ERCC3: variants seen among roughly 807,000 people sequenced by gnomAD.
ERCC3 encodes the protein ERCC excision repair 3, TFIIH core complex helicase subunit, also known as general transcription and DNA repair factor IIH helicase/translocase subunit XPB.
ERCC3 carries 66 observed loss-of-function variants against 94.2 expected under a neutral mutation model. That is an observed-to-expected ratio of 0.70 (90% CI 0.57 to 0.86). The LOEUF is 0.86. Among genes scored for constraint, ERCC3 ranks in the 40% least tolerant of loss-of-function variants. The pLI is 0.00. For missense variants in ERCC3, 829 were observed against 987.1 expected (o/e 0.84, Z 2.15); for synonymous variants, 349 against 369.1 (o/e 0.95, Z 0.63).
At position 127,284,296 on chromosome 2, in the gene ERCC3, G is replaced by C. The variant is rs754794597; in HGVS notation, c.1342+2407C>G. 6.6e-6 allele frequency: 1 copy of C among 152,308 alleles called. No homozygotes were observed. The highest frequency in any genetic ancestry group is 2.4e-5 in the African/African-American group (1 of 41,464). 9.4% of individuals were successfully genotyped at this position (152,308 alleles called of 1,614,324 possible). A position where few individuals can be genotyped will look rare whatever the true frequency, so the allele number is the denominator to read the frequency against. On this transcript the variant is annotated intron_variant, in intron 8 of 14. Coordinates refer to ENST00000285398, the MANE Select transcript of ERCC3 (RefSeq NM_000122.2). The surrounding 1 kb of genome is among the most constrained non-coding windows in gnomAD (Gnocchi z 4.1). ...TCCCTCAGATGGCTTCACACTAAGA[G>C]TACAAGCCAAAGTTCTTGTCGTGGC... is the stretch of plus-strand genomic sequence containing the variant.
At position 127,293,392 on chromosome 2, in the gene ERCC3, T is replaced by C. The variant is rs1489535069; in HGVS notation, c.234+121A>G. On this transcript the variant is annotated intron_variant, in intron 2 of 14. Transcript: ENST00000285398. ...CTGTTCCAACGTGTGTGGATGAAAA[T>C]TCTCTCCCGGCCAGTTCTAGGGGCA... 6.4e-6 allele frequency: 6 copies of C among 942,940 alleles called. No homozygotes were observed. In the East Asian group the frequency reaches 1.1e-4, roughly 17 times the overall value. 58.4% of individuals were successfully genotyped at this position (942,940 alleles called of 1,614,324 possible). A position where few individuals can be genotyped will look rare whatever the true frequency, so the allele number is the denominator to read the frequency against.
intron 10 of ERCC3, among the ~76,000 whole-genome samples, chr2:127,276,895 G>A (rs1157959631): frequency 6.6e-6 from 1 of 152,328 alleles, no homozygotes; most frequent in Non-Finnish European, 1.5e-5. Context: ...AAGGGCATCA[G>A]ACTGCCAAAC....
chr2:127,275,075 C>A (rs1684691162), intron 10 of ERCC3, among the ~76,000 whole-genome samples: 1 of 152,204 alleles, frequency 6.6e-6, no homozygotes, highest in African/African-American at 2.4e-5. Context: ...TAACCCTAAG[C>A]CTCTCTTGCA....
intron 3 of ERCC3, 108 bp from the exon 4 acceptor site, chr2:127,290,381 TTA>T: frequency 1.0e-6 from 1 of 973,170 alleles, no homozygotes; most frequent in Non-Finnish European, 1.7e-6. Flanking sequence ...TCATTTTACT[TTA>T]GGGAAACCCA....
chr2:127,269,881 G>A (rs1049934028), intron 12 of ERCC3, among the ~76,000 whole-genome samples: 8 of 151,968 alleles, frequency 5.3e-5, no homozygotes, highest in South Asian at 2.1e-4. Flanking sequence ...TTAGCTGGAC[G>A]TGGTGGTGCA....
At position 127,280,315 on chromosome 2, in the gene ERCC3, GGATCCT is replaced by G. The variant is rs1470377732; in HGVS notation, c.1527+126_1527+131del. The G allele has an allele frequency of 2.0e-4, 166 of 817,464 alleles. No homozygotes were observed. The highest frequency in any genetic ancestry group is 2.5e-4 in the Non-Finnish European group (122 of 480,990). The allele number at this position is 817,464 out of a possible 1,614,324, so 50.6% of individuals were successfully genotyped here. A position where few individuals can be genotyped will look rare whatever the true frequency, so the allele number is the denominator to read the frequency against. ...TACCACCCAACCACAGGGTGACTGA[GGATCCT>G]GTATGAAGTGGTAGCAGGTGAGCCT... On this transcript the variant is annotated intron_variant, in intron 9 of 14. Transcript: ENST00000285398. The surrounding 1 kb of genome is among the most constrained non-coding windows in gnomAD (Gnocchi z 6.3).
intron 4 of ERCC3, 81 bp downstream of exon 4, chr2:127,290,143 G>A (rs868803561): frequency 3.6e-6 from 4 of 1,110,854 alleles, no homozygotes; most frequent in Non-Finnish European, 4.2e-6. Flanking sequence ...TAAACATCAG[G>A]TCCTTCCCAT....
chr2:127,290,091 T>C lies in ERCC3; in HGVS notation c.521+133A>G, dbSNP rs1685215920. On this transcript the variant is annotated intron_variant, in intron 4 of 14. Coordinates refer to ENST00000285398, the MANE Select transcript of ERCC3 (RefSeq NM_000122.2). Reference sequence around the variant, plus strand: ...GAGTTTCCAGTCTGGGCCACATCTCTTGTTTCTCTTCTCTTATCTGTGCTT... The same window carrying C: ...GAGTTTCCAGTCTGGGCCACATCTCCTGTTTCTCTTCTCTTATCTGTGCTT... 7 of 854,528 alleles carry C rather than the reference T, an allele frequency of 8.2e-6. No individual in the cohort carries two copies. In the Admixed American group the frequency reaches 1.3e-4, roughly 16 times the overall value. The allele number at this position is 854,528 out of a possible 1,614,324, so 52.9% of individuals were successfully genotyped here. A position where few individuals can be genotyped will look rare whatever the true frequency, so the allele number is the denominator to read the frequency against.
At chr2:127,282,739 G>A (rs1408630370) in intron 8 of ERCC3, among the ~76,000 whole-genome samples, 4 of 152,136 alleles carry the variant, frequency 2.6e-5, no homozygotes, top group African/African-American at 9.7e-5. Context: ...ATCCCTTAGA[G>A]TTTGTTGGTT....
In ERCC3 at chr2:127,277,951, A is replaced by G. The variant is rs1213437865; in HGVS notation, c.1730+1222T>C. On this transcript the variant is annotated intron_variant, in intron 10 of 14. Coordinates refer to ENST00000285398, the MANE Select transcript of ERCC3 (RefSeq NM_000122.2). The surrounding 1 kb of genome is among the most constrained non-coding windows in gnomAD (Gnocchi z 5.1). The stretch of plus-strand genomic sequence containing the variant: ...ACATAAGCTATTGCTTAGAAAGATG[A>G]AGGCTGGCCAGGTGTGGTGGCTCAT... Among the ~76,000 whole-genome samples, 1 of 152,136 alleles carries G rather than the reference A, an allele frequency of 6.6e-6. No individual in the cohort carries two copies. Among genetic ancestry groups the G allele is most frequent in the Non-Finnish European group, 1.5e-5 (1 of 68,024 alleles).
chr2:127,280,832 T>C lies in ERCC3; in HGVS notation c.1343-201A>G. On this transcript the variant is annotated intron_variant, in intron 8 of 14. Transcript: ENST00000285398. This position sits in a 1 kb window ranked among gnomAD's most constrained non-coding sequence, Gnocchi z 6.3. Reference sequence around the variant, plus strand: ...GTGACCCACTGCACCCAGCCTACACTGTCACTTTTTCAAATGCTCATAGCT... The same window carrying C: ...GTGACCCACTGCACCCAGCCTACACCGTCACTTTTTCAAATGCTCATAGCT... The C allele has an allele frequency of 5.0e-6, 3 of 596,212 alleles. No homozygotes were observed. In the East Asian group the frequency reaches 8.3e-5, roughly 17 times the overall value. 36.9% of individuals were successfully genotyped at this position (596,212 alleles called of 1,614,324 possible).
At chr2:127,262,853 G>T (rs1363551171) in intron 12 of ERCC3, 1 of 152,182 alleles carries the variant, frequency 6.6e-6, no homozygotes, top group Admixed American at 6.5e-5. Flanking sequence ...ATAGGCAGGG[G>T]TCTGGTTTCA....
Position 127,291,423 on chromosome 2 carries a change from C to T in ERCC3, c.472-1150G>A, listed in dbSNP as rs544743536. Among the ~76,000 whole-genome samples the T allele has an allele frequency of 9.9e-5, 15 of 152,214 alleles. No individual in the cohort carries two copies. In the East Asian group the frequency reaches 2.5e-3, roughly 26 times the overall value. ...TACAGGCACCCACCACCATGCCTGG[C>T]GAATTTTTGTATTTTTAGTAGAGAC... On this transcript the variant is annotated intron_variant, in intron 3 of 14. Transcript: ENST00000285398. This position sits in a 1 kb window ranked among gnomAD's most constrained non-coding sequence, Gnocchi z 4.9.
At chr2:127,293,027 A>T (rs1339143958) in intron 2 of ERCC3, among the ~76,000 whole-genome samples, 181 bp from the exon 3 acceptor site, 3 of 152,196 alleles carry the variant, frequency 2.0e-5, no homozygotes, top group Non-Finnish European at 4.4e-5. Context: ...AGTAAAGAAA[A>T]ATAGAAGAAA....
intron 7 of ERCC3, 90 bp from the exon 8 acceptor site, chr2:127,287,107 G>C (rs1573957950): frequency 1.0e-6 from 1 of 1,000,534 alleles, no homozygotes; most frequent in East Asian, 2.5e-5. Flanking sequence ...CAGCAATCTA[G>C]GAAAATGTCT....
intron 8 of ERCC3, among the ~76,000 whole-genome samples, chr2:127,286,019 A>G: frequency 6.6e-6 from 1 of 152,142 alleles, no homozygotes; most frequent in East Asian, 1.9e-4. Context: ...TTGGAGAAGT[A>G]GGGCTTCTAT....
chr2:127,265,066 G>A (rs1383728566), intron 12 of ERCC3, among the ~76,000 whole-genome samples: 1 of 151,736 alleles, frequency 6.6e-6, no homozygotes, highest in Non-Finnish European at 1.5e-5. Context: ...AGGCTGGTCT[G>A]GAACTCCTGA....
At chr2:127,265,986 T>C (rs771457643) in intron 12 of ERCC3, among the ~76,000 whole-genome samples, 21 of 152,204 alleles carry the variant, frequency 1.4e-4, no homozygotes, top group Non-Finnish European at 2.9e-4. Flanking sequence ...TTGTATCTGT[T>C]TTCATTTGTT....
intron 8 of ERCC3, among the ~76,000 whole-genome samples, chr2:127,286,056 C>T (rs545638366): frequency 2.0e-5 from 3 of 152,084 alleles, no homozygotes; most frequent in South Asian, 4.2e-4. Context: ...ATCAATATTC[C>T]GGGCTTCAAA....
Sources: gnomAD v4.1 joint callset for allele counts (sites outside exome capture counted in the v4.1 genomes callset) on GRCh38, gnomAD v4.1.1 for gene constraint, Gnocchi (gnomAD v3.1) non-coding constraint, MANE v1.5 for transcripts, NCBI Gene and HGNC (gene_info 2026-07-23, HGNC 2026-07-21) for gene names.